Variants in SOX6 observed in about 807,000 individuals in gnomAD.
SOX6 encodes the protein SRY-box transcription factor 6.
Under a neutral mutation model 97.8 loss-of-function variants are expected in SOX6, and 11 were observed. That is an observed-to-expected ratio of 0.11 (90% CI 0.07 to 0.19). The LOEUF is 0.19. Ranked by LOEUF, SOX6 falls within the 10% of genes least tolerant of loss-of-function variation. The pLI is 1.00. For missense variants in SOX6, 810 were observed against 1,039.5 expected, an observed-to-expected ratio of 0.78 and a Z score of 3.04; for synonymous variants, 360 against 371.4, an observed-to-expected ratio of 0.97 and a Z score of 0.35.
At chr11:16,073,628 C>A (rs1848276245) in intron 9 of SOX6, among the ~76,000 whole-genome samples, 1 of 152,100 alleles carries the variant, frequency 6.6e-6, no homozygotes, top group African/African-American at 2.4e-5. Flanking sequence ...CACAAAAAAA[C>A]AGAATATACA....
intron 4 of SOX6, among the ~76,000 whole-genome samples, chr11:16,515,762 A>G (rs1860961408): frequency 7.7e-6 from 1 of 129,772 alleles, no homozygotes; most frequent in East Asian, 2.2e-4. Context: ...ACCTTTCTAC[A>G]TATGGCTAGC....
chr11:16,426,681 G>A lies in SOX6; in HGVS notation c.-5+49634C>T, dbSNP rs542631861. Among the ~76,000 whole-genome samples, 312 of 151,992 alleles carry A rather than the reference G, an allele frequency of 2.1e-3. 2 individuals carry two copies. The highest frequency in any genetic ancestry group is 3.6e-3 in the Non-Finnish European group (247 of 67,960). On this transcript the variant is annotated intron_variant, in intron 1 of 15. Coordinates refer to the SOX6 transcript ENST00000396356. ...TGTAATCCCAGCATTTTGGGAGGCC[G>A]AGGCGGGCGGATCACGAGGTCAGGA...
intron 13 of SOX6, among the ~76,000 whole-genome samples, chr11:15,995,969 G>A (rs935772627): frequency 3.3e-5 from 5 of 152,060 alleles, no homozygotes; most frequent in African/African-American, 9.7e-5. Context: ...GATATTCAAG[G>A]AAATTATTCA....
intron 3 of SOX6, among the ~76,000 whole-genome samples, chr11:16,305,430 G>T (rs557742222): frequency 1.3e-5 from 2 of 152,332 alleles, no homozygotes; most frequent in South Asian, 2.1e-4. Context: ...AAGATGCAGA[G>T]ATGCTGGATC....
chr11:16,129,717 T>C (rs1374845845), intron 6 of SOX6, among the ~76,000 whole-genome samples: 2 of 152,252 alleles, frequency 1.3e-5, no homozygotes, highest in East Asian at 1.9e-4. Flanking sequence ...TTTCAATAGG[T>C]GCAGAGTAAC....
intron 4 of SOX6, among the ~76,000 whole-genome samples, 168 bp downstream of exon 4, chr11:16,234,414 C>T (rs1023812501): frequency 7.9e-5 from 12 of 152,198 alleles, no homozygotes; most frequent in African/African-American, 2.9e-4. Flanking sequence ...AGTTTGTAAA[C>T]ATTGCAAGGA....
At chr11:16,196,791 A>G (rs1851789073) in intron 4 of SOX6, among the ~76,000 whole-genome samples, 1 of 150,424 alleles carries the variant, frequency 6.6e-6, no homozygotes, top group African/African-American at 2.4e-5. Context: ...CTTCCCCAAC[A>G]GACTGATTTG....
At chr11:16,037,959 GC>G (rs1180792867) in intron 12 of SOX6, among the ~76,000 whole-genome samples, 12 of 152,054 alleles carry the variant, frequency 7.9e-5, no homozygotes, top group Admixed American at 7.2e-4. Context: ...ATTATAGCAG[GC>G]CTTTCATATC....
intron 1 of SOX6, among the ~76,000 whole-genome samples, chr11:16,379,428 T>G (rs974316351): frequency 3.3e-5 from 5 of 151,738 alleles, no homozygotes; most frequent in Non-Finnish European, 7.4e-5. Context: ...ATTGTGCCAT[T>G]GCACTCCAGC....
At chr11:16,581,960 CAA>C (rs35137027) in intron 4 of SOX6, among the ~76,000 whole-genome samples, 2,040 of 106,418 alleles carry the variant, frequency 0.019, 45 homozygotes, top group African/African-American at 0.062. Flanking sequence ...GACTCCATCT[CAA>C]AAAAAAAAAA....
At chr11:16,505,651 G>A (rs1590226685) in intron 4 of SOX6, among the ~76,000 whole-genome samples, 2 of 152,308 alleles carry the variant, frequency 1.3e-5, no homozygotes, top group East Asian at 1.9e-4. Context: ...GCATTTTAGA[G>A]ACCTTCATGG....
intron 2 of SOX6, among the ~76,000 whole-genome samples, chr11:16,734,194 C>G (rs142219813): frequency 3.0e-3 from 456 of 152,076 alleles, no homozygotes; most frequent in Non-Finnish European, 4.5e-3. Flanking sequence ...ATCACAGTAG[C>G]ACTCTGACAA....
chr11:16,374,528 C>G (rs891920532), intron 1 of SOX6, among the ~76,000 whole-genome samples: 3 of 151,976 alleles, frequency 2.0e-5, no homozygotes, highest in Non-Finnish European at 2.9e-5. Flanking sequence ...CATTTTTAAA[C>G]AGAAAAAAAT....
intron 1 of SOX6, among the ~76,000 whole-genome samples, chr11:16,460,305 T>C (rs776534014): frequency 9.9e-5 from 15 of 152,168 alleles, no homozygotes; most frequent in Non-Finnish European, 2.1e-4. Context: ...CTCCTCTTTT[T>C]CATGTACATA....
chr11:16,666,402 C>G (rs540352166), intron 3 of SOX6, among the ~76,000 whole-genome samples: 1 of 152,258 alleles, frequency 6.6e-6, no homozygotes, highest in South Asian at 2.1e-4. Flanking sequence ...AATGGAAATT[C>G]TGGAGTTGAA....
At chr11:16,317,976 A>G (rs978168379) in intron 3 of SOX6, 4 of 453,316 alleles carry the variant, frequency 8.8e-6, no homozygotes, top group Non-Finnish European at 1.8e-5. Context: ...AGTTTTAACA[A>G]TGTTTGAAGC....
chr11:16,550,471 T>C, intron 4 of SOX6, among the ~76,000 whole-genome samples: 1 of 151,810 alleles, frequency 6.6e-6, no homozygotes, highest in East Asian at 1.9e-4. Context: ...TAATAAAAAA[T>C]AAAAAATAAT....
At chr11:16,278,524 C>T (rs2134239278) in intron 3 of SOX6, among the ~76,000 whole-genome samples, 1 of 152,156 alleles carries the variant, frequency 6.6e-6, no homozygotes, top group East Asian at 1.9e-4. Context: ...AGCTTTCTAA[C>T]AGGCCTTAAC....
chr11:16,107,407 A>ATATATATACATATATATGTATATATATG (rs1554930563), intron 7 of SOX6, among the ~76,000 whole-genome samples: 43 of 144,444 alleles, frequency 3.0e-4, no homozygotes, highest in African/African-American at 1.1e-3. Flanking sequence ...ATATATATGT[A>ATATATATACATATATATGTATATATATG]TATATATATA....
Sources: allele counts gnomAD v4.1 joint callset (sites outside exome capture counted in the v4.1 genomes callset), GRCh38; gene constraint gnomAD v4.1.1; transcripts MANE v1.5; gene names NCBI Gene and HGNC (gene_info 2026-07-23, HGNC 2026-07-21).